Variants in CPLX4 observed in about 807,000 individuals in gnomAD.
CPLX4 encodes complexin-4.
CPLX4 carries 17 observed loss-of-function variants against 16.1 expected under a neutral mutation model. The observed-to-expected ratio is 1.06, with a 90% CI of 0.72 to 1.59. The LOEUF (loss-of-function observed/expected upper bound fraction) is 1.59. Among genes scored for constraint, CPLX4 ranks in the 40% most tolerant of loss-of-function variants. The pLI is 0.00. For synonymous variants in CPLX4, 55 were observed against 57.8 expected (o/e 0.95, Z 0.22); for missense variants, 193 against 192.9 (o/e 1.00, Z 0.00).
At chr18:59,316,844 C>A (rs2070654427) in intron 1 of CPLX4, among the ~76,000 whole-genome samples, 1 of 152,108 alleles carries the variant, frequency 6.6e-6, no homozygotes, top group Non-Finnish European at 1.5e-5. Flanking sequence ...CAACTGTAGT[C>A]TACATTTCTG....
Position 59,318,306 on chromosome 18 carries a change from T to C in CPLX4, c.157A>G (p.Ile53Val), listed in dbSNP as rs779949404. The change falls in exon 1 of 3, where the codon ATT becomes GTT. Residue 53 changes from isoleucine (I) to valine (V), a missense_variant. Coordinates refer to ENST00000299721, the MANE Select transcript of CPLX4 (RefSeq NM_181654.4). ...EEYEEYQKQM[I>V]EEKMERDAAF... ...ATAGCATGTACTCACTTCTCCTCAA[T>C]CATTTGCTTTTGATACTCCTCATAC... 8 of 1,607,590 alleles carry C rather than the reference T, an allele frequency of 5.0e-6. No individual in the cohort carries two copies. The African/African-American group carries it at 1.1e-4, about 22-fold the overall frequency.
Position 59,295,477 on chromosome 18 carries a change from C to G in CPLX4, c.*1221G>C, listed in dbSNP as rs2070492485. 6.6e-6 allele frequency: 1 copy of G among 151,448 alleles called. No individual in the cohort carries two copies. The highest frequency in any genetic ancestry group is 2.1e-4 in the South Asian group (1 of 4,784). The allele number at this position is 151,448 out of a possible 1,614,324, so 9.4% of individuals were successfully genotyped here. A position where few individuals can be genotyped will look rare whatever the true frequency, so the allele number is the denominator to read the frequency against. On this transcript the variant is annotated 3_prime_UTR_variant, in exon 3 of 3. Coordinates refer to ENST00000299721, the MANE Select transcript of CPLX4 (RefSeq NM_181654.4). ...CTTTTTGTACAACACATTTGAGAAC[C>G]CTGGGTTTAGAACAACTTAGACCCT... is the stretch of plus-strand genomic sequence containing the variant.
chr18:59,312,032 C>T (rs1398201121), intron 2 of CPLX4, among the ~76,000 whole-genome samples: 3 of 152,164 alleles, frequency 2.0e-5, no homozygotes, highest in Non-Finnish European at 4.4e-5. Context: ...TCTTTCCTGG[C>T]TATCTGGCCC....
intron 2 of CPLX4, among the ~76,000 whole-genome samples, chr18:59,309,546 G>A (rs1227755960): frequency 6.6e-6 from 1 of 152,140 alleles, no homozygotes; most frequent in Non-Finnish European, 1.5e-5. Flanking sequence ...GAAAGAGGCC[G>A]GGCGCAGTGG....
intron 2 of CPLX4, among the ~76,000 whole-genome samples, chr18:59,301,259 A>AG (rs2070539301): frequency 6.6e-6 from 1 of 152,248 alleles, no homozygotes; most frequent in Non-Finnish European, 1.5e-5. Context: ...TGCCTGGGCT[A>AG]GGCCCTTTGG....
chr18:59,302,212 C>T (rs2070546481), intron 2 of CPLX4, among the ~76,000 whole-genome samples: 1 of 152,240 alleles, frequency 6.6e-6, no homozygotes, highest in Non-Finnish European at 1.5e-5. Flanking sequence ...CAATGAATGT[C>T]TTGTCCACAC....
intron 2 of CPLX4, among the ~76,000 whole-genome samples, chr18:59,309,096 G>C (rs1335737994): frequency 6.6e-6 from 1 of 152,256 alleles, no homozygotes; most frequent in Non-Finnish European, 1.5e-5. Flanking sequence ...TCTGCCCAGA[G>C]TAGCCGATTT....
rs2144174282 is a variant in CPLX4 at position 59,295,467 on chromosome 18, A to G, written c.*1231T>C. The stretch of plus-strand genomic sequence containing the variant: ...TTACATGAAACTTTTTGTACAACAC[A>G]TTTGAGAACCCTGGGTTTAGAACAA... On this transcript the variant is annotated 3_prime_UTR_variant, in exon 3 of 3. Coordinates refer to ENST00000299721, the MANE Select transcript of CPLX4 (RefSeq NM_181654.4). 1 of 151,948 alleles carries G rather than the reference A, an allele frequency of 6.6e-6. No individual in the cohort carries two copies. Among genetic ancestry groups the G allele is most frequent in the Admixed American group, 6.5e-5 (1 of 15,268 alleles). 9.4% of individuals were successfully genotyped at this position (151,948 alleles called of 1,614,324 possible).
chr18:59,305,288 A>T (rs1262804256), intron 2 of CPLX4, among the ~76,000 whole-genome samples: 3 of 152,134 alleles, frequency 2.0e-5, no homozygotes, highest in Non-Finnish European at 4.4e-5. Flanking sequence ...GAGGCTGGAG[A>T]GACAGGAGCC....
chr18:59,310,385 G>T (rs2070608795), intron 2 of CPLX4, among the ~76,000 whole-genome samples: 1 of 151,784 alleles, frequency 6.6e-6, no homozygotes, highest in African/African-American at 2.4e-5. Context: ...CCCTGGCACA[G>T]AGATTTAAGA....
rs115744919 is a variant in CPLX4 at position 59,301,381 on chromosome 18, G to C, written c.256-4456C>G. 1.0e-2 allele frequency among the ~76,000 whole-genome samples: 1,516 copies of C among 152,350 alleles called. 24 individuals are homozygous for C. Among genetic ancestry groups the C allele is most frequent in the African/African-American group, 0.035 (1,451 of 41,582 alleles). The stretch of plus-strand genomic sequence containing the variant: ...CCTCAGATGTCCAGGTCCAAAGGCA[G>C]CAATGGGTGTACTCGATGGCTGTGG... On this transcript the variant is annotated intron_variant, in intron 2 of 2. Transcript: ENST00000299721.
chr18:59,306,341 T>C (rs2070576677), intron 2 of CPLX4, among the ~76,000 whole-genome samples: 1 of 152,182 alleles, frequency 6.6e-6, no homozygotes, highest in Non-Finnish European at 1.5e-5. Context: ...CGACATAATC[T>C]GGATATGTGT....
At chr18:59,317,696 G>C (rs2070659861) in intron 1 of CPLX4, among the ~76,000 whole-genome samples, 1 of 151,910 alleles carries the variant, frequency 6.6e-6, no homozygotes, top group Non-Finnish European at 1.5e-5. Context: ...GTATATGTGG[G>C]TATTTGTCCT....
At chr18:59,308,102 G>A (rs190916156) in intron 2 of CPLX4, among the ~76,000 whole-genome samples, 260 of 152,132 alleles carry the variant, frequency 1.7e-3, no homozygotes, top group African/African-American at 5.9e-3. Flanking sequence ...GCTTTCTAAA[G>A]GTTCCATTAC....
chr18:59,305,356 TAAAC>T (rs36130635), intron 2 of CPLX4, among the ~76,000 whole-genome samples: 98,048 of 150,850 alleles, frequency 0.65, 32,042 homozygotes, highest in African/African-American at 0.72. Flanking sequence ...ATAGTGGCTT[TAAAC>T]AAACAAACAA....
At chr18:59,313,017 G>A (rs77414801) in intron 1 of CPLX4, among the ~76,000 whole-genome samples, 2,289 of 152,218 alleles carry the variant, frequency 0.015, 71 homozygotes, top group African/African-American at 0.053. Context: ...ATCTCTGTGT[G>A]ATGCGAACCA....
intron 2 of CPLX4, among the ~76,000 whole-genome samples, chr18:59,308,133 A>G (rs1437544585): frequency 1.3e-5 from 2 of 152,118 alleles, no homozygotes; most frequent in Non-Finnish European, 2.9e-5. Context: ...CTGCGTAATC[A>G]GAGACAGACT....
intron 1 of CPLX4, among the ~76,000 whole-genome samples, chr18:59,313,366 T>G (rs890522014): frequency 1.3e-5 from 2 of 152,186 alleles, no homozygotes; most frequent in Non-Finnish European, 2.9e-5. Context: ...TGGAAGGAGG[T>G]AGCCCCAAAC....
rs564929455 is a variant in CPLX4 at position 59,296,491 on chromosome 18, A to C, written c.*207T>G. On this transcript the variant is annotated 3_prime_UTR_variant, in exon 3 of 3. Transcript: ENST00000299721. The stretch of plus-strand genomic sequence containing the variant: ...TTTCCAGTTTATCTCATTTATAACT[A>C]AAAGGAAAGTAAGGTTCCCGCTGCA... The C allele has an allele frequency of 1.7e-6, 1 of 597,196 alleles. No homozygotes were observed. The highest frequency in any genetic ancestry group is 2.9e-6 in the Non-Finnish European group (1 of 343,954). 37.0% of individuals were successfully genotyped at this position (597,196 alleles called of 1,614,324 possible). A position where few individuals can be genotyped will look rare whatever the true frequency, so the allele number is the denominator to read the frequency against.
Sources: allele counts gnomAD v4.1 joint callset (sites outside exome capture counted in the v4.1 genomes callset), GRCh38; gene constraint gnomAD v4.1.1; transcripts MANE v1.5; gene names NCBI Gene and HGNC (gene_info 2026-07-23, HGNC 2026-07-21).